Variants in CERS3 observed in about 807,000 individuals in gnomAD.
CERS3 encodes ceramide synthase 3.
CERS3 carries 33 observed loss-of-function variants against 50.3 expected under a neutral mutation model. The ratio of observed to expected loss-of-function variants is 0.66; its 90% CI spans 0.50 to 0.88. CERS3 has a LOEUF of 0.88. CERS3 is among the 40% of genes least tolerant of loss of function. The pLI is 0.00. For synonymous variants in CERS3, 176 were observed against 155.2 expected, an observed-to-expected ratio of 1.13 and a Z score of -0.99; for missense variants, 470 against 460.3, an observed-to-expected ratio of 1.02 and a Z score of -0.19.
intron 3 of CERS3, among the ~76,000 whole-genome samples, 168 bp downstream of exon 3, chr15:100,501,509 C>T (rs964317646): frequency 2.0e-5 from 3 of 152,160 alleles, no homozygotes; most frequent in Non-Finnish European, 4.4e-5. Flanking sequence ...CTTTAAATAA[C>T]ATTTGGAGCG....
intron 1 of CERS3, chr15:100,544,400 GGACACGGGCCCTCTCTCGGCCTTGA>G: frequency 7.6e-6 from 1 of 130,772 alleles, no homozygotes; most frequent in East Asian, 2.1e-4. Context: ...ACCTCCGCGG[GGACACGGGCCCTCTCTCGGCCTTGA>G]CCTGCGCGGG....
intron 11 of CERS3, among the ~76,000 whole-genome samples, chr15:100,411,031 C>G (rs765954511): frequency 6.6e-6 from 1 of 152,180 alleles, no homozygotes; most frequent in Non-Finnish European, 1.5e-5. Flanking sequence ...ATGACTTTGT[C>G]AATTCTAAGT....
intron 5 of CERS3, among the ~76,000 whole-genome samples, chr15:100,481,193 T>C (rs980090282): frequency 2.0e-5 from 3 of 152,190 alleles, no homozygotes; most frequent in Admixed American, 6.5e-5. Context: ...CCCCAGCTCA[T>C]GTAGCTAAGA....
intron 2 of CERS3, among the ~76,000 whole-genome samples, chr15:100,510,386 AC>A (rs745985051): frequency 4.6e-5 from 7 of 152,242 alleles, no homozygotes; most frequent in Non-Finnish European, 8.8e-5. Context: ...ACAAAATTTA[AC>A]AATTATATTA....
rs190507559 is a variant in CERS3 at position 100,508,106 on chromosome 15, G to A, written c.-1-6256C>T. On this transcript the variant is annotated intron_variant, in intron 2 of 11. Transcript: ENST00000679737. ...TCCAATTTGGTTGTCTGAACCGTAA[G>A]TGTAGCAGAGGTACCTGTTTTTAGG... Among the ~76,000 whole-genome samples, 38 of 152,232 alleles carry A rather than the reference G, an allele frequency of 2.5e-4. 1 individual carries two copies. Among genetic ancestry groups the A allele is most frequent in the African/African-American group, 9.2e-4 (38 of 41,474 alleles).
At chr15:100,541,602 G>A (rs577765565) in intron 1 of CERS3, among the ~76,000 whole-genome samples, 1 of 152,146 alleles carries the variant, frequency 6.6e-6, no homozygotes, top group Non-Finnish European at 1.5e-5. Context: ...AAATTTAGAT[G>A]TGAGCTAGCC....
chr15:100,513,957 A>G (rs2036424519), intron 2 of CERS3, among the ~76,000 whole-genome samples: 1 of 152,184 alleles, frequency 6.6e-6, no homozygotes, highest in African/African-American at 2.4e-5. Context: ...AGATCCCCCA[A>G]GGTTCCATAA....
intron 2 of CERS3, among the ~76,000 whole-genome samples, chr15:100,508,010 T>C (rs762973909): frequency 2.6e-5 from 4 of 152,236 alleles, no homozygotes; most frequent in Admixed American, 1.3e-4. Context: ...GTAGATTCTA[T>C]TGCCTACAAC....
chr15:100,443,098 G>T (rs181038524), intron 11 of CERS3, among the ~76,000 whole-genome samples: 1 of 144,858 alleles, frequency 6.9e-6, no homozygotes. Flanking sequence ...CTATTCCTGG[G>T]CTACAGCCAC....
intron 11 of CERS3, among the ~76,000 whole-genome samples, chr15:100,418,189 T>A (rs2032115097): frequency 6.6e-6 from 1 of 151,518 alleles, no homozygotes; most frequent in Admixed American, 6.6e-5. Flanking sequence ...TTGAAAAAAA[T>A]TTAGAAGAAT....
chr15:100,505,362 A>G (rs928230568), intron 2 of CERS3, among the ~76,000 whole-genome samples: 2 of 152,240 alleles, frequency 1.3e-5, no homozygotes, highest in African/African-American at 4.8e-5. Context: ...TGTGCATTAC[A>G]TGTAAGCAAT....
chr15:100,471,110 C>T (rs1211519298), intron 9 of CERS3, among the ~76,000 whole-genome samples: 3 of 152,180 alleles, frequency 2.0e-5, no homozygotes, highest in South Asian at 2.1e-4. Context: ...CCTTGCTCAT[C>T]GAACCTCACA....
chr15:100,470,138 C>G (rs1402768658), intron 9 of CERS3, among the ~76,000 whole-genome samples: 2 of 152,164 alleles, frequency 1.3e-5, no homozygotes, highest in Non-Finnish European at 2.9e-5. Context: ...CTCTCTAGTG[C>G]ATTATCCAGC....
intron 2 of CERS3, among the ~76,000 whole-genome samples, chr15:100,505,298 C>T (rs1050349503): frequency 3.9e-5 from 6 of 152,158 alleles, no homozygotes; most frequent in Admixed American, 2.6e-4. Flanking sequence ...TGAAATATAA[C>T]GAATCAAATA....
intron 11 of CERS3, among the ~76,000 whole-genome samples, chr15:100,454,971 CAT>C (rs1425328319): frequency 2.6e-5 from 4 of 152,166 alleles, no homozygotes; most frequent in African/African-American, 7.2e-5. Context: ...GGCCAACAGA[CAT>C]GTGAAAAAAT....
chr15:100,461,604 A>G (rs2034552588), intron 10 of CERS3, among the ~76,000 whole-genome samples: 1 of 152,228 alleles, frequency 6.6e-6, no homozygotes, highest in Admixed American at 6.5e-5. Flanking sequence ...TACTCTTACT[A>G]CCACTATGGC....
chr15:100,449,865 C>T (rs953767871), intron 11 of CERS3, among the ~76,000 whole-genome samples: 2 of 152,040 alleles, frequency 1.3e-5, no homozygotes, highest in African/African-American at 4.8e-5. Flanking sequence ...TCAAAAAACA[C>T]AATAATTCTC....
intron 11 of CERS3, among the ~76,000 whole-genome samples, chr15:100,434,630 G>C (rs1228778846): frequency 6.6e-6 from 1 of 152,168 alleles, no homozygotes; most frequent in Non-Finnish European, 1.5e-5. Flanking sequence ...AAAACAGTGG[G>C]AGACTAGCAG....
At chr15:100,450,325 G>A (rs1481309235) in intron 11 of CERS3, among the ~76,000 whole-genome samples, 2 of 150,634 alleles carry the variant, frequency 1.3e-5, no homozygotes, top group Non-Finnish European at 2.9e-5. Flanking sequence ...GGTTGAGGCA[G>A]GGGAATTGCT....
Sources: allele counts gnomAD v4.1 joint callset (sites outside exome capture counted in the v4.1 genomes callset), GRCh38; gene constraint gnomAD v4.1.1; transcripts MANE v1.5; gene names NCBI Gene and HGNC (gene_info 2026-07-23, HGNC 2026-07-21).